FASN: variants seen among roughly 807,000 people sequenced by gnomAD.
The protein encoded by FASN is 3-hydroxyacyl-[acyl-carrier-protein] dehydratase.
FASN carries 50 observed loss-of-function variants against 250.0 expected under a neutral mutation model. The ratio of observed to expected loss-of-function variants is 0.20; its 90% CI spans 0.16 to 0.25. The LOEUF (loss-of-function observed/expected upper bound fraction) is 0.25. FASN is among the 10% of genes least tolerant of loss of function. The pLI is 1.00. For missense variants in FASN, 3,031 were observed against 3,498.5 expected, an observed-to-expected ratio of 0.87 and a Z score of 3.37; for synonymous variants, 1,909 against 1,584.0, an observed-to-expected ratio of 1.21 and a Z score of -4.87.
At position 82,093,439 on chromosome 17, in the gene FASN, G is replaced by A. The variant is rs199672144; in HGVS notation, c.455-20C>T. On this transcript the variant is annotated intron_variant, in intron 4 of 42. Transcript: ENST00000306749. The stretch of plus-strand genomic sequence containing the variant: ...TGGGCCCTGCAAGGAAGGGTGCTGC[G>A]GCTCAGGTGGGGCTGTGAGCACACG... 1.7e-5 allele frequency: 27 copies of A among 1,592,046 alleles called. No individual in the cohort carries two copies. The highest frequency in any genetic ancestry group is 7.0e-5 in the Admixed American group (4 of 56,794).
At chr17:82,092,312 C>A in intron 8 of FASN, 143 bp downstream of exon 8, 1 of 891,270 alleles carries the variant, frequency 1.1e-6, no homozygotes, top group South Asian at 1.6e-5. Context: ...CTCAGACCTG[C>A]AGCATAGCCC....
Position 82,090,963 on chromosome 17 carries a change from C to T in FASN, c.1599G>A (p.Lys533=). Residue 533 remains lysine, a synonymous_variant, in exon 10 of 43, where the codon AAG becomes AAA. Coordinates refer to ENST00000306749, the MANE Select transcript of FASN (RefSeq NM_004104.5). ...SDEAVKPFGL[K]VSQLLLSTDE... ...CTGTGCTCAGCAGCAGCTGTGACAC[C>T]TTCAGGCCGAATGGCTTCACAGCCT... 6.2e-7 allele frequency: 1 copy of T among 1,612,904 alleles called. No individual in the cohort carries two copies. The highest frequency in any genetic ancestry group is 8.5e-7 in the Non-Finnish European group (1 of 1,179,972).
rs778063202 is a variant in FASN, at chr17:82,080,607, G to A, written c.6827-17C>T. On this transcript the variant is annotated splice_polypyrimidine_tract_variant and intron_variant, in intron 39 of 42. Transcript: ENST00000306749. ...GGGGCGCAGCTGCAATGGCAGTGCCGGGCACTCAGCATGTGCAGGCGGCAG... is the reference window on the plus strand; with the variant it reads ...GGGGCGCAGCTGCAATGGCAGTGCCAGGCACTCAGCATGTGCAGGCGGCAG... The A allele has an allele frequency of 7.1e-6, 11 of 1,552,294 alleles. No homozygotes were observed. Among genetic ancestry groups the A allele is most frequent in the East Asian group, 2.4e-5 (1 of 41,216 alleles).
rs1480958571 is a variant in FASN, at chr17:82,078,341, A to T, written c.*802T>A. The stretch of plus-strand genomic sequence containing the variant: ...AGGAGGGAAGAAAGGACGGTGGTGG[A>T]GATCACATGCGGTTTAATTGTGGGA... On this transcript the variant is annotated 3_prime_UTR_variant, in exon 43 of 43. Transcript: ENST00000306749. This position sits in a 1 kb window ranked among gnomAD's most constrained non-coding sequence, Gnocchi z 5.4. The T allele has an allele frequency of 1.3e-5, 2 of 152,352 alleles. No homozygotes were observed. Among genetic ancestry groups the T allele is most frequent in the African/African-American group, 4.8e-5 (2 of 41,454 alleles). The allele number at this position is 152,352 out of a possible 1,614,324, so 9.4% of individuals were successfully genotyped here. A position where few individuals can be genotyped will look rare whatever the true frequency, so the allele number is the denominator to read the frequency against.
Position 82,095,431 on chromosome 17 carries a change from G to C in FASN, c.169C>G (p.Leu57Val). 1 of 1,612,978 alleles carries C rather than the reference G, an allele frequency of 6.2e-7. No homozygotes were observed. ...LPRRSGKLKD[L>V]SRFDASFFGV... ...AAGAAGGAGGCATCAAACCTAGACA[G>C]GTCCTTCAGCTTGCCGGACCGCCGG... Residue 57 changes from leucine to valine, a missense_variant, in exon 3 of 43, where the codon CTG becomes GTG. Physicochemically the swap from Leu to Val is conservative, Grantham distance 32. Transcript: ENST00000306749.
intron 18 of FASN, 22 bp from the exon 19 acceptor site, chr17:82,087,883 AGGGCCTGAGGAC>A: frequency 6.2e-7 from 1 of 1,612,552 alleles, no homozygotes; most frequent in Non-Finnish European, 8.5e-7. Flanking sequence ...GAGGTGCGGA[AGGGCCTGAGGAC>A]GGGCGGCATG....
At chr17:82,096,578 T>TCA in intron 1 of FASN, 126 bp from the exon 2 acceptor site, 2 of 1,440,156 alleles carry the variant, frequency 1.4e-6, no homozygotes, top group Non-Finnish European at 1.9e-6. Flanking sequence ...GTGCGGGCCC[T>TCA]GGCTCCTGCG....
Position 82,090,584 on chromosome 17 carries a change from C to T in FASN, c.1681-20G>A. ...GCCTATCTGGGGTGGGAACAGGACA[C>T]TCAGGTTGCAACCTCCAGCAGGTGC... is the stretch of plus-strand genomic sequence containing the variant. On this transcript the variant is annotated intron_variant, in intron 10 of 42. Coordinates refer to ENST00000306749, the MANE Select transcript of FASN (RefSeq NM_004104.5). The T allele has an allele frequency of 6.2e-7, 1 of 1,606,034 alleles. No individual in the cohort carries two copies. Among genetic ancestry groups the T allele is most frequent in the Non-Finnish European group, 8.5e-7 (1 of 1,175,952 alleles).
At chr17:82,090,625 C>G in intron 10 of FASN, 61 bp from the exon 11 acceptor site, 2 of 1,450,176 alleles carry the variant, frequency 1.4e-6, no homozygotes, top group Non-Finnish European at 1.9e-6. Flanking sequence ...TTGGGGGCGG[C>G]CCCCGGCCCC....
intron 3 of FASN, 73 bp downstream of exon 3, chr17:82,095,247 G>C (rs2034284174): frequency 6.5e-7 from 1 of 1,543,652 alleles, no homozygotes; most frequent in Admixed American, 1.7e-5. Context: ...CCAGAACCAA[G>C]AAGAGAAAAC....
chr17:82,082,193 GCATCCCCAGGAGCCCCCAACGTCC>G, intron 35 of FASN, 33 bp from the exon 36 acceptor site: 1 of 1,600,934 alleles, frequency 6.2e-7, no homozygotes, highest in Non-Finnish European at 8.5e-7. Flanking sequence ...CCATTGGCCA[GCATCCCCAGGAGCCCCCAACGTCC>G]CATCCCCAGG....
chr17:82,095,414 G>A lies in FASN; in HGVS notation c.186C>T (p.Ala62=), dbSNP rs757777315. The A allele has an allele frequency of 3.1e-6, 5 of 1,613,004 alleles. No individual in the cohort carries two copies. Among genetic ancestry groups the A allele is most frequent in the Non-Finnish European group, 4.2e-6 (5 of 1,180,008 alleles). The part of the protein sequence containing the change: ...GKLKDLSRFD[A]SFFGVHPKQA... ...GCTTGGGGTGGACTCCGAAGAAGGA[G>A]GCATCAAACCTAGACAGGTCCTTCA... Residue 62 remains alanine, a synonymous_variant, in exon 3 of 43, where the codon GCC becomes GCT. Coordinates refer to ENST00000306749, the MANE Select transcript of FASN (RefSeq NM_004104.5).
chr17:82,091,777 G>T, intron 8 of FASN, 93 bp from the exon 9 acceptor site: 1 of 1,206,812 alleles, frequency 8.3e-7, no homozygotes, highest in Non-Finnish European at 1.1e-6. Flanking sequence ...CTCATGTGGG[G>T]CCAGGGTTCC....
chr17:82,092,457 T>C lies in FASN; in HGVS notation c.1027A>G (p.Lys343Glu). 6.4e-7 allele frequency: 1 copy of C among 1,570,770 alleles called. No homozygotes were observed. The highest frequency in any genetic ancestry group is 8.6e-7 in the Non-Finnish European group (1 of 1,161,092). ...EPASGLAALA[K>E]VLLSLEHGLW... The stretch of plus-strand genomic sequence containing the variant: ...CCCCCAAGCCCAGCCCCACCTACCT[T>C]GGCCAGGGCTGCCAGCCCCGAGGCT... Residue 343 changes from lysine (K) to glutamate (E), a missense_variant and splice_region_variant, in exon 8 of 43, where the codon AAG (lysine) becomes GAG (glutamate). By Grantham distance (56) the Lys-to-Glu change is moderately conservative. Coordinates refer to ENST00000306749, the MANE Select transcript of FASN (RefSeq NM_004104.5).
rs1378858086 is a variant in FASN at position 82,084,073 on chromosome 17, G to T, written c.5000C>A (p.Pro1667His). Residue 1667 changes from proline to histidine, a missense_variant, in exon 29 of 43, where the codon CCC (proline) becomes CAC (histidine). Coordinates refer to ENST00000306749, the MANE Select transcript of FASN (RefSeq NM_004104.5). ...CGAGTGGATGAGCAGCGTCTCCCCG[G>T]GGCGCACCCGCCCACGCACCACCAG... ...YALVVRGRVR[P>H]GETLLIHSGS... 3 of 1,553,480 alleles carry T rather than the reference G, an allele frequency of 1.9e-6. No homozygotes were observed. The South Asian group carries it at 3.5e-5, about 18-fold the overall frequency.
Position 82,083,501 on chromosome 17 carries a change from G to A in FASN, c.5341+16C>T. On this transcript the variant is annotated intron_variant, in intron 31 of 42. Coordinates refer to ENST00000306749, the MANE Select transcript of FASN (RefSeq NM_004104.5). ...CCCATCCATGCCCACCCCCGCCCAG[G>A]CGCTGCCGGCCTCACCGAGCGGGTG... is the stretch of plus-strand genomic sequence containing the variant. 1 of 1,612,784 alleles carries A rather than the reference G, an allele frequency of 6.2e-7. No homozygotes were observed. The highest frequency in any genetic ancestry group is 8.5e-7 in the Non-Finnish European group (1 of 1,179,982).
rs768650586 is a variant in FASN, at chr17:82,091,670, C to T, written c.1044G>A (p.Leu348=). The T allele has an allele frequency of 6.3e-7, 1 of 1,585,088 alleles. No individual in the cohort carries two copies. Among genetic ancestry groups the T allele is most frequent in the South Asian group, 1.1e-5 (1 of 87,022 alleles). ...LAALAKVLLS[L]EHGLWAPNLH... ...GGTTGGGGGCCCAGAGCCCGTGCTC[C>T]AGGGACAGCAGCACCTGCGGGGGTA... The change falls in exon 9 of 43, where the codon CTG becomes CTA. Residue 348 remains leucine (L), a synonymous_variant. Transcript: ENST00000306749.
At position 82,083,541 on chromosome 17, in the gene FASN, C is replaced by T; in HGVS notation, c.5317G>A (p.Asp1773Asn). 2 of 1,612,830 alleles carry T rather than the reference C, an allele frequency of 1.2e-6. No individual in the cohort carries two copies. The highest frequency in any genetic ancestry group is 1.7e-6 in the Non-Finnish European group (2 of 1,180,002). Residue 1773 changes from aspartate (D) to asparagine (N), a missense_variant, in exon 31 of 43, where the codon GAC (aspartate) becomes AAC (asparagine). Asp to Asn is a conservative substitution (Grantham distance 23). Transcript: ENST00000306749. ...HGRFLEIGKF[D>N]LSQNHPLGMA... ...CCGAGCGGGTGGTTCTGAGAAAGGT[C>T]GAATTTGCCAATTTCCAGGAAGCGA...
Position 82,087,437 on chromosome 17 carries a change from G to A in FASN, c.3111C>T (p.Ser1037=), listed in dbSNP as rs755111532. The part of the protein sequence containing the change: ...VSFMDTMLQM[S]ILGSAKHGLY... ...GGCCGTGCTTGGCCGAGCCCAGGAT[G>A]GACATCTGCAGCATGGTGTCCATGA... is the stretch of plus-strand genomic sequence containing the variant. Residue 1037 remains serine, a synonymous_variant, in exon 20 of 43, where the codon TCC becomes TCT. Transcript: ENST00000306749. The A allele has an allele frequency of 1.5e-5, 24 of 1,612,576 alleles. No homozygotes were observed. The East Asian group carries it at 4.7e-4, about 31-fold the overall frequency.
Sources: allele counts gnomAD v4.1 joint callset, GRCh38; gene constraint gnomAD v4.1.1; non-coding constraint Gnocchi (gnomAD v3.1); transcripts MANE v1.5; gene names NCBI Gene and HGNC (gene_info 2026-07-23, HGNC 2026-07-21).